Variants in JMJD1C observed in about 807,000 individuals in gnomAD.
JMJD1C encodes the protein jumonji domain containing 1C.
A neutral mutation model predicts 245.3 loss-of-function variants in JMJD1C; 31 were observed. The ratio of observed to expected loss-of-function variants is 0.13; its 90% confidence interval spans 0.09 to 0.17. JMJD1C has a LOEUF of 0.17. Ranked by LOEUF, JMJD1C falls within the 10% of genes least tolerant of loss-of-function variation. JMJD1C has a pLI of 1.00. For missense variants in JMJD1C, 2,691 were observed against 3,000.2 expected, an observed-to-expected ratio of 0.90 and a Z score of 2.41; for synonymous variants, 1,057 against 1,017.4, an observed-to-expected ratio of 1.04 and a Z score of -0.74.
intron 1 of JMJD1C, among the ~76,000 whole-genome samples, chr10:63,433,586 CT>C (rs539696706): frequency 1.6e-3 from 138 of 86,822 alleles, no homozygotes; most frequent in African/African-American, 2.4e-3. Context: ...CTTTTCTTTT[CT>C]TTTTTTTTTT....
intron 2 of JMJD1C, among the ~76,000 whole-genome samples, chr10:63,265,175 T>A (rs1025108837): frequency 6.6e-6 from 1 of 152,138 alleles, no homozygotes; most frequent in Non-Finnish European, 1.5e-5. Context: ...ATTATTTCAA[T>A]GTACACTTTT....
chr10:63,309,314 G>A (rs919489871), intron 2 of JMJD1C, among the ~76,000 whole-genome samples: 5 of 151,424 alleles, frequency 3.3e-5, no homozygotes, highest in African/African-American at 9.7e-5. Flanking sequence ...CCAACATGGT[G>A]AAACCCCATC....
Position 63,176,595 on chromosome 10 carries a change from G to A in JMJD1C, c.7225-122C>T, listed in dbSNP as rs532164423. On this transcript the variant is annotated intron_variant, in intron 23 of 25. Coordinates refer to ENST00000399262, the MANE Select transcript of JMJD1C (RefSeq NM_032776.3). ...TCTTCTCAGAATCAATGGAACAACT[G>A]AATGAGCTTCTTCAGTTAAAAAATA... The A allele has an allele frequency of 2.5e-5, 18 of 720,662 alleles. 1 individual carries two copies. The South Asian group carries it at 3.1e-4, about 12-fold the overall frequency. 44.6% of individuals were successfully genotyped at this position (720,662 alleles called of 1,614,324 possible).
At chr10:63,457,097 C>T (rs1952464230) in intron 1 of JMJD1C, among the ~76,000 whole-genome samples, 1 of 152,194 alleles carries the variant, frequency 6.6e-6, no homozygotes, top group East Asian at 1.9e-4. Context: ...AAAATTTCAG[C>T]TTAGTTTTTA....
chr10:63,177,709 A>G lies in JMJD1C; in HGVS notation c.7224+8T>C, dbSNP rs1842983967. The G allele has an allele frequency of 6.2e-7, 1 of 1,613,656 alleles. No individual in the cohort carries two copies. The highest frequency in any genetic ancestry group is 1.7e-5 in the Admixed American group (1 of 59,974). ...GGGAAGAGATATTATTTGCAAACTAACTTATACCTTTTGAAGAAATTCCCT... is the reference window on the plus strand; with the variant it reads ...GGGAAGAGATATTATTTGCAAACTAGCTTATACCTTTTGAAGAAATTCCCT... On this transcript the variant is annotated splice_region_variant and intron_variant, in intron 23 of 25. Coordinates refer to ENST00000399262, the MANE Select transcript of JMJD1C (RefSeq NM_032776.3).
intron 2 of JMJD1C, among the ~76,000 whole-genome samples, chr10:63,308,494 G>A (rs1938610564): frequency 1.3e-5 from 2 of 151,308 alleles, no homozygotes; most frequent in South Asian, 4.1e-4. Flanking sequence ...AAAAGAATAA[G>A]AGCAACATGT....
intron 18 of JMJD1C, 48 bp downstream of exon 18, chr10:63,189,120 A>T (rs1295892233): frequency 6.7e-7 from 1 of 1,489,754 alleles, no homozygotes. Context: ...TCTATTTAAT[A>T]AGCTTCAGTT....
upstream of JMJD1C, among the ~76,000 whole-genome samples, chr10:63,467,999 A>C (rs892613656): frequency 6.6e-6 from 1 of 152,220 alleles, no homozygotes; most frequent in Non-Finnish European, 1.5e-5. Flanking sequence ...TAGTTGCCTT[A>C]TATAAAACTG....
intron 1 of JMJD1C, chr10:63,427,970 C>A (rs1950538492): frequency 1.4e-6 from 1 of 699,630 alleles, no homozygotes; most frequent in Admixed American, 2.0e-5. Flanking sequence ...ATTGCCACCA[C>A]AGCATCCCAG....
At chr10:63,476,299 A>G (rs1953659404) in intron 1 of JMJD1C, among the ~76,000 whole-genome samples, 1 of 150,632 alleles carries the variant, frequency 6.6e-6, no homozygotes, top group Non-Finnish European at 1.5e-5. Context: ...AGGTAATCAG[A>G]GCAATAAAAG....
intron 2 of JMJD1C, among the ~76,000 whole-genome samples, chr10:63,329,551 A>G (rs1054965543): frequency 6.6e-6 from 1 of 151,952 alleles, no homozygotes; most frequent in Non-Finnish European, 1.5e-5. Flanking sequence ...AAAAAAAAAA[A>G]GAAAAAATCT....
chr10:63,265,330 G>C (rs1342149199), intron 2 of JMJD1C, among the ~76,000 whole-genome samples: 1 of 150,676 alleles, frequency 6.6e-6, no homozygotes, highest in Non-Finnish European at 1.5e-5. Context: ...CATGGAGGAA[G>C]GGAGTAGAGA....
chr10:63,430,900 A>G (rs1451731755), intron 1 of JMJD1C, among the ~76,000 whole-genome samples: 1 of 152,200 alleles, frequency 6.6e-6, no homozygotes, highest in Non-Finnish European at 1.5e-5. Flanking sequence ...GTTTAACACC[A>G]TACCGGCTAA....
At position 63,214,268 on chromosome 10, in the gene JMJD1C, A is replaced by G; in HGVS notation, c.1899T>C (p.Thr633=). The G allele has an allele frequency of 6.2e-7, 1 of 1,614,000 alleles. No homozygotes were observed. The highest frequency in any genetic ancestry group is 8.5e-7 in the Non-Finnish European group (1 of 1,179,954). Residue 633 remains threonine (T), a synonymous_variant, in exon 8 of 26, where the codon ACT becomes ACC. Transcript: ENST00000399262. ...IKSKLNTSVD[T]HKIKSSPSPE... Reference sequence around the variant, plus strand: ...GTGATGGGCTGGATTTTATCTTGTGAGTATCTACTGAAGTATTAAGTTTAG... The same window carrying G: ...GTGATGGGCTGGATTTTATCTTGTGGGTATCTACTGAAGTATTAAGTTTAG...
At chr10:63,302,910 G>A (rs979786215) in intron 2 of JMJD1C, among the ~76,000 whole-genome samples, 3 of 152,012 alleles carry the variant, frequency 2.0e-5, no homozygotes, top group African/African-American at 7.3e-5. Context: ...CACATATAGA[G>A]ACTACTTTTT....
At chr10:63,252,123 T>C (rs1459709210) in intron 3 of JMJD1C, among the ~76,000 whole-genome samples, 1 of 152,230 alleles carries the variant, frequency 6.6e-6, no homozygotes, top group African/African-American at 2.4e-5. Flanking sequence ...GGGATATCCA[T>C]TAATGAATGA....
chr10:63,197,636 G>A, intron 12 of JMJD1C, 73 bp from the exon 13 acceptor site: 1 of 1,376,154 alleles, frequency 7.3e-7, no homozygotes, highest in South Asian at 1.6e-5. Flanking sequence ...CTGAAATACA[G>A]AAGAAATAAA....
chr10:63,270,316 A>G (rs1856132464), intron 2 of JMJD1C, among the ~76,000 whole-genome samples: 1 of 151,880 alleles, frequency 6.6e-6, no homozygotes, highest in South Asian at 2.1e-4. Context: ...ACAGGGACGC[A>G]CCACCAAGCC....
chr10:63,296,864 CA>C (rs1342718159), intron 2 of JMJD1C, among the ~76,000 whole-genome samples: 3 of 152,066 alleles, frequency 2.0e-5, no homozygotes, highest in Non-Finnish European at 2.9e-5. Context: ...GGAGGATAGA[CA>C]ATTTTTTTTA....
Sources: gnomAD v4.1 joint callset for allele counts (sites outside exome capture counted in the v4.1 genomes callset) on GRCh38, gnomAD v4.1.1 for gene constraint, MANE v1.5 for transcripts, NCBI Gene and HGNC (gene_info 2026-07-23, HGNC 2026-07-21) for gene names.